Variants in DPP6 observed in about 807,000 individuals in gnomAD.
The protein encoded by DPP6 is dipeptidyl peptidase like 6, also known as A-type potassium channel modulatory protein DPP6.
In DPP6, 69 loss-of-function variants were observed where a neutral mutation model predicts 122.6. That is an observed-to-expected ratio of 0.56 (90% confidence interval 0.46 to 0.69). DPP6 has a LOEUF of 0.69. Ranked by LOEUF, DPP6 falls within the 30% of genes least tolerant of loss-of-function variation. DPP6 has a pLI of 0.00. For missense variants in DPP6, 928 were observed against 1,116.9 expected (o/e 0.83, Z 2.41); for synonymous variants, 418 against 433.1 (o/e 0.97, Z 0.43).
intron 1 of DPP6, among the ~76,000 whole-genome samples, chr7:154,290,961 C>A (rs1339827726): frequency 6.6e-6 from 1 of 152,132 alleles, no homozygotes; most frequent in Non-Finnish European, 1.5e-5. Context: ...AAAAATTAAA[C>A]AAGAGACAAA....
chr7:154,767,417 G>A (rs1187839729), intron 8 of DPP6, among the ~76,000 whole-genome samples: 1 of 152,184 alleles, frequency 6.6e-6, no homozygotes, highest in East Asian at 1.9e-4. Context: ...TTCCAAGCGA[G>A]CAGCCTGGGC....
intron 1 of DPP6, chr7:154,059,241 C>G (rs1250207575): frequency 2.7e-5 from 4 of 149,760 alleles, no homozygotes; most frequent in African/African-American, 1.0e-4. Flanking sequence ...CCCCTGTTCC[C>G]CCACTGGCTC....
intron 1 of DPP6, among the ~76,000 whole-genome samples, chr7:154,214,450 G>T (rs1799893265): frequency 6.6e-6 from 1 of 152,168 alleles, no homozygotes. Context: ...AAAGAATGAT[G>T]AATTATTAAA....
chr7:154,212,755 A>G (rs1450480035), intron 1 of DPP6, among the ~76,000 whole-genome samples: 1 of 152,194 alleles, frequency 6.6e-6, no homozygotes, highest in Admixed American at 6.5e-5. Context: ...TGAAAATCAC[A>G]ATCAGCTGGG....
chr7:154,115,266 GC>G (rs1806898875), intron 1 of DPP6, among the ~76,000 whole-genome samples: 1 of 152,146 alleles, frequency 6.6e-6, no homozygotes, highest in Non-Finnish European at 1.5e-5. Flanking sequence ...GTAAACAGAG[GC>G]CACTTAGGCA....
intron 5 of DPP6, among the ~76,000 whole-genome samples, chr7:154,608,593 T>A (rs1468366381): frequency 6.6e-6 from 1 of 151,240 alleles, no homozygotes; most frequent in African/African-American, 2.4e-5. Flanking sequence ...TGCCTTGGCC[T>A]CCCAAAGTGC....
rs1280122587 is a variant in DPP6, at chr7:154,575,307, ATGTGTGTGGTGTGTGTATG to A, written c.627+8427_627+8445del. Among the ~76,000 whole-genome samples, 129 of 49,256 alleles carry A rather than the reference ATGTGTGTGGTGTGTGTATG, an allele frequency of 2.6e-3. 1 individual carries two copies. The highest frequency in any genetic ancestry group is 7.8e-3 in the African/African-American group (98 of 12,618). The allele number at this position is 49,256 out of a possible 152,430, so 32.3% of individuals were successfully genotyped here. On this transcript the variant is annotated intron_variant, in intron 5 of 25. Coordinates refer to ENST00000377770, the MANE Select transcript of DPP6 (RefSeq NM_130797.4). ...TGGTGTGTATGTGTGTGGGGGGTGT[ATGTGTGTGGTGTGTGTATG>A]TGTGTGTGGTGTGTGTATGTGTGTG...
chr7:153,937,892 G>A (rs945587088), intron 1 of DPP6, among the ~76,000 whole-genome samples: 11 of 152,250 alleles, frequency 7.2e-5, no homozygotes, highest in African/African-American at 1.4e-4. Flanking sequence ...AAGCAAGAAC[G>A]CACCCTTTGG....
chr7:154,302,195 C>T (rs1374567499), intron 1 of DPP6, among the ~76,000 whole-genome samples: 1 of 152,170 alleles, frequency 6.6e-6, no homozygotes, highest in African/African-American at 2.4e-5. Context: ...CCGCTCCCAC[C>T]AGTCCCAGGC....
chr7:153,777,001 G>T, the DPP6 span, among the ~76,000 whole-genome samples: 1 of 152,210 alleles, frequency 6.6e-6, no homozygotes, highest in Non-Finnish European at 1.5e-5. Flanking sequence ...CAAAGGACTT[G>T]TATCTAGACA....
chr7:154,661,822 G>T (rs1238361763), intron 6 of DPP6, among the ~76,000 whole-genome samples: 1 of 85,936 alleles, frequency 1.2e-5, no homozygotes, highest in African/African-American at 5.2e-5. Flanking sequence ...TAGTGTTCAC[G>T]CAGTCATGGT....
At chr7:154,274,994 C>T (rs1176631545) in intron 1 of DPP6, among the ~76,000 whole-genome samples, 1 of 152,248 alleles carries the variant, frequency 6.6e-6, no homozygotes, top group Admixed American at 6.5e-5. Flanking sequence ...AGGCTCTGCC[C>T]CCATGCCTCT....
intron 18 of DPP6, among the ~76,000 whole-genome samples, chr7:154,872,287 GC>G (rs144008909): frequency 0.02 from 3,102 of 152,352 alleles, 114 homozygotes; most frequent in African/African-American, 0.071. Flanking sequence ...GCCGCAGGCA[GC>G]CCTCCTGCTC....
intron 1 of DPP6, among the ~76,000 whole-genome samples, chr7:154,023,809 T>G (rs1798837652): frequency 1.3e-5 from 2 of 152,032 alleles, no homozygotes; most frequent in Non-Finnish European, 2.9e-5. Context: ...CATAACAGAT[T>G]GTATTACAAA....
chr7:154,648,565 C>T (rs142723116), intron 6 of DPP6, among the ~76,000 whole-genome samples: 3 of 152,180 alleles, frequency 2.0e-5, no homozygotes, highest in Non-Finnish European at 2.9e-5. Context: ...AGAGCATACA[C>T]CAACACCAAC....
chr7:154,685,623 A>C lies in DPP6; in HGVS notation c.762+16182A>C, dbSNP rs1334461564. On this transcript the variant is annotated intron_variant, in intron 7 of 25. Transcript: ENST00000377770. Reference sequence around the variant, plus strand: ...TAAAATATAGAATCTCTTAGATTATATTTTTAATCACCAGGCCCATCACAA... The same window carrying C: ...TAAAATATAGAATCTCTTAGATTATCTTTTTAATCACCAGGCCCATCACAA... 2.6e-5 allele frequency among the ~76,000 whole-genome samples: 4 copies of C among 152,196 alleles called. No homozygotes were observed. The East Asian group carries it at 7.7e-4, about 29-fold the overall frequency.
chr7:154,646,949 T>A (rs1836523342), intron 6 of DPP6, among the ~76,000 whole-genome samples: 1 of 152,200 alleles, frequency 6.6e-6, no homozygotes, highest in Non-Finnish European at 1.5e-5. Flanking sequence ...CCTCAGGGAC[T>A]TTCTTAGAAA....
At chr7:154,494,694 A>G (rs1389553575) in intron 3 of DPP6, among the ~76,000 whole-genome samples, 1 of 152,166 alleles carries the variant, frequency 6.6e-6, no homozygotes, top group Non-Finnish European at 1.5e-5. Context: ...CTTTTCTGCA[A>G]GAGAAAAGAC....
rs763636785 is a variant in DPP6, at chr7:154,868,062, G to A, written c.1782G>A (p.Val594=). Residue 594 remains valine (V), a synonymous_variant, in exon 18 of 26, where the codon GTG becomes GTA. Coordinates refer to ENST00000377770, the MANE Select transcript of DPP6 (RefSeq NM_130797.4). ...KAINDRQMPK[V]EYRDIEIDDY... ...TAAATGACCGACAGATGCCTAAAGT[G>A]GAATACAGGGACATTGAGATTGATG... 6.2e-7 allele frequency: 1 copy of A among 1,608,584 alleles called. No homozygotes were observed. Among genetic ancestry groups the A allele is most frequent in the East Asian group, 2.2e-5 (1 of 44,780 alleles).
Sources: gnomAD v4.1 joint callset for allele counts (sites outside exome capture counted in the v4.1 genomes callset) on GRCh38, gnomAD v4.1.1 for gene constraint, MANE v1.5 for transcripts, NCBI Gene and HGNC (gene_info 2026-07-23, HGNC 2026-07-21) for gene names.